Variants in PPP2R2C observed in about 807,000 individuals in gnomAD.
PPP2R2C encodes protein phosphatase 2 regulatory subunit Bgamma.
Under a neutral mutation model 45.3 loss-of-function variants are expected in PPP2R2C, and 10 were observed. The observed-to-expected ratio is 0.22, with a 90% CI of 0.14 to 0.37. The LOEUF is 0.37. Among genes scored for constraint, PPP2R2C ranks in the 10% least tolerant of loss-of-function variants. The pLI is 1.00. For missense variants in PPP2R2C, 308 were observed against 619.7 expected, an observed-to-expected ratio of 0.50 and a Z score of 5.34; for synonymous variants, 257 against 245.4, an observed-to-expected ratio of 1.05 and a Z score of -0.44.
intron 5 of PPP2R2C, chr4:6,349,851 A>G (rs765425095): frequency 9.3e-6 from 9 of 971,166 alleles, no homozygotes; most frequent in Non-Finnish European, 1.1e-5. Flanking sequence ...AGATCGCACC[A>G]TTATATTCCA....
At chr4:6,350,035 C>A (rs1712397293) in intron 5 of PPP2R2C, 1 of 985,230 alleles carries the variant, frequency 1.0e-6, no homozygotes, top group South Asian at 4.7e-5. Context: ...CCCGGAAGCA[C>A]GTCATTAACC....
In PPP2R2C at chr4:6,395,367, C is replaced by T. The variant is rs556056085; in HGVS notation, c.71-14273G>A. Among the ~76,000 whole-genome samples, 319 of 152,308 alleles carry T rather than the reference C, an allele frequency of 2.1e-3. 1 individual carries two copies. The highest frequency in any genetic ancestry group is 7.2e-3 in the African/African-American group (300 of 41,568). On this transcript the variant is annotated intron_variant, in intron 1 of 8. Transcript: ENST00000382599. ...ATGCCAGGCAACGGGAATTCAGAAA[C>T]GGACCCCGCGGGCATGTCCAGGCCC...
chr4:6,432,206 G>T (rs770068369), intron 1 of PPP2R2C, among the ~76,000 whole-genome samples: 2 of 152,126 alleles, frequency 1.3e-5, no homozygotes, highest in Non-Finnish European at 2.9e-5. Context: ...CCAGTAAGTG[G>T]CTTCTGCTTC....
intron 6 of PPP2R2C, among the ~76,000 whole-genome samples, chr4:6,341,761 TG>T (rs1177136320): frequency 6.6e-6 from 1 of 152,038 alleles, no homozygotes; most frequent in Non-Finnish European, 1.5e-5. Flanking sequence ...AAGCAGAGGT[TG>T]GAATGATGAG....
At chr4:6,337,759 G>A (rs1733099343) in intron 6 of PPP2R2C, among the ~76,000 whole-genome samples, 1 of 152,178 alleles carries the variant, frequency 6.6e-6, no homozygotes, top group African/African-American at 2.4e-5. Context: ...CAATTGAATC[G>A]ATAGTGGAAA....
chr4:6,492,386 G>A (rs552582886), intron 2 of PPP2R2C, among the ~76,000 whole-genome samples: 5 of 152,320 alleles, frequency 3.3e-5, no homozygotes, highest in Admixed American at 6.5e-5. Context: ...GTCCAGGGTC[G>A]TGGTGCTGAA....
chr4:6,504,926 T>G (rs181589174), intron 2 of PPP2R2C, among the ~76,000 whole-genome samples: 1 of 152,040 alleles, frequency 6.6e-6, no homozygotes, highest in African/African-American at 2.4e-5. Flanking sequence ...AACACATACA[T>G]TTCCAGATCC....
chr4:6,329,464 G>A lies in PPP2R2C; in HGVS notation c.961-111C>T, dbSNP rs1228608174. The A allele has an allele frequency of 1.2e-6, 1 of 852,920 alleles. No individual in the cohort carries two copies. The highest frequency in any genetic ancestry group is 2.0e-5 in the Admixed American group (1 of 50,398). 52.8% of individuals were successfully genotyped at this position (852,920 alleles called of 1,614,324 possible). A position where few individuals can be genotyped will look rare whatever the true frequency, so the allele number is the denominator to read the frequency against. On this transcript the variant is annotated intron_variant, in intron 7 of 8. Transcript: ENST00000382599. The surrounding 1 kb of genome is among the most constrained non-coding windows in gnomAD (Gnocchi z 5.8). ...GGTCTGCATGCCCTGACATGGCCCA[G>A]CGCAGACCTGCTCATCTCAGCGAGG...
intron 1 of PPP2R2C, among the ~76,000 whole-genome samples, chr4:6,450,514 G>A (rs1036281978): frequency 2.6e-5 from 4 of 152,124 alleles, no homozygotes; most frequent in Non-Finnish European, 4.4e-5. Context: ...GGGTCAGCTC[G>A]GGGGGTTCCA....
intron 6 of PPP2R2C, among the ~76,000 whole-genome samples, chr4:6,340,513 G>A (rs948291778): frequency 6.6e-6 from 1 of 152,270 alleles, no homozygotes; most frequent in African/African-American, 2.4e-5. Flanking sequence ...TACAGAGCCT[G>A]AAGCCATCCC....
At chr4:6,383,085 GAA>G (rs1209235226) in intron 1 of PPP2R2C, 2 of 1,096,728 alleles carry the variant, frequency 1.8e-6, no homozygotes, top group Admixed American at 9.8e-5. Flanking sequence ...TTGGCCTGCA[GAA>G]CGGCAATTCG....
rs566620608 is a variant in PPP2R2C, at chr4:6,563,040, G to A, written c.-59+520C>T. Reference sequence around the variant, plus strand: ...CAGCACCCACCGGCGCGGGCAGCGGGAGGAGCGCGTAGACGCTGCTGGATG... The same window carrying A: ...CAGCACCCACCGGCGCGGGCAGCGGAAGGAGCGCGTAGACGCTGCTGGATG... On this transcript the variant is annotated intron_variant, in intron 1 of 9. Transcript: ENST00000506140. The surrounding 1 kb of genome is among the most constrained non-coding windows in gnomAD (Gnocchi z 5.8). Among the ~76,000 whole-genome samples the A allele has an allele frequency of 3.5e-4, 54 of 152,280 alleles. No individual in the cohort carries two copies. Among genetic ancestry groups the A allele is most frequent in the Middle Eastern group, 3.4e-3 (1 of 294 alleles).
chr4:6,354,393 T>G (rs1712947026), intron 5 of PPP2R2C, among the ~76,000 whole-genome samples: 1 of 152,216 alleles, frequency 6.6e-6, no homozygotes, highest in South Asian at 2.1e-4. Context: ...GCCTTACCCG[T>G]CTGCTCATCC....
At chr4:6,360,187 T>C (rs1368332332) in intron 5 of PPP2R2C, among the ~76,000 whole-genome samples, 1 of 152,172 alleles carries the variant, frequency 6.6e-6, no homozygotes, top group Admixed American at 6.5e-5. Context: ...TGGGCAGTGA[T>C]TTGCCCAGGG....
intron 2 of PPP2R2C, among the ~76,000 whole-genome samples, chr4:6,519,424 C>A (rs1287778118): frequency 2.6e-5 from 4 of 152,212 alleles, no homozygotes; most frequent in Admixed American, 6.5e-5. Context: ...CCCTAAAAGT[C>A]CACCCAGGCC....
In PPP2R2C at chr4:6,518,932, A is replaced by T. The variant is rs1392962870; in HGVS notation, c.49+16339T>A. On this transcript the variant is annotated intron_variant, in intron 2 of 9. Transcript: ENST00000506140. ...AGCAAGACTCTGTCTTAAAAAAAAA[A>T]AAAAAAAAAAAAAAAAAAAAAGAAT... Among the ~76,000 whole-genome samples, 183 of 44,658 alleles carry T rather than the reference A, an allele frequency of 4.1e-3. 8 individuals are homozygous for T. The highest frequency in any genetic ancestry group is 0.03 in the East Asian group (16 of 528). The allele number at this position is 44,658 out of a possible 152,430, so 29.3% of individuals were successfully genotyped here. A position where few individuals can be genotyped will look rare whatever the true frequency, so the allele number is the denominator to read the frequency against.
chr4:6,375,792 G>T, intron 4 of PPP2R2C, 27 bp downstream of exon 4: 1 of 1,540,348 alleles, frequency 6.5e-7, no homozygotes, highest in Non-Finnish European at 8.9e-7. Flanking sequence ...AGAGGCGTGT[G>T]CCTGCTTCCC....
chr4:6,484,733 A>G (rs1401276038), intron 2 of PPP2R2C, among the ~76,000 whole-genome samples: 3 of 151,778 alleles, frequency 2.0e-5, no homozygotes, highest in Non-Finnish European at 4.4e-5. Context: ...CCTACCTCAT[A>G]TCATAACTGG....
chr4:6,434,352 T>C (rs1719778698), intron 1 of PPP2R2C, among the ~76,000 whole-genome samples: 2 of 49,840 alleles, frequency 4.0e-5, no homozygotes, highest in Non-Finnish European at 7.9e-5. Context: ...TATTTCTTTT[T>C]TCTTTTCTTT....
Sources: gnomAD v4.1 joint callset for allele counts (sites outside exome capture counted in the v4.1 genomes callset) on GRCh38, gnomAD v4.1.1 for gene constraint, Gnocchi (gnomAD v3.1) non-coding constraint, MANE v1.5 for transcripts, NCBI Gene and HGNC (gene_info 2026-07-23, HGNC 2026-07-21) for gene names.